Variants in ZCCHC14 observed in about 807,000 individuals in gnomAD.
ZCCHC14 encodes zinc finger CCHC-type containing 14.
Under a neutral mutation model 85.0 loss-of-function variants are expected in ZCCHC14, and 16 were observed. That is an observed-to-expected ratio of 0.19 (90% confidence interval 0.13 to 0.29). ZCCHC14 has a LOEUF of 0.29. ZCCHC14 is among the 10% of genes least tolerant of loss of function. ZCCHC14 has a pLI of 1.00. For missense variants in ZCCHC14, 1,303 were observed against 1,443.5 expected (o/e 0.90, Z 1.58); for synonymous variants, 775 against 630.7 (o/e 1.23, Z -3.43).
chr16:87,433,333 C>T, intron 2 of ZCCHC14, 132 bp from the exon 3 acceptor site: 1 of 797,026 alleles, frequency 1.3e-6, no homozygotes, highest in Admixed American at 2.4e-5. Context: ...ACTTTGGTGG[C>T]ATCTCACCTA....
chr16:87,466,746 C>T (rs145198041), intron 1 of ZCCHC14, among the ~76,000 whole-genome samples: 1 of 152,112 alleles, frequency 6.6e-6, no homozygotes, highest in Non-Finnish European at 1.5e-5. Context: ...AGGTACTGTT[C>T]GTATGACTGT....
intron 1 of ZCCHC14, among the ~76,000 whole-genome samples, chr16:87,461,632 C>T (rs1911262752): frequency 6.6e-6 from 1 of 152,240 alleles, no homozygotes; most frequent in African/African-American, 2.4e-5. Context: ...CAGATCCCAG[C>T]ACTCGCTCTG....
chr16:87,446,618 C>G (rs975261270), intron 2 of ZCCHC14, among the ~76,000 whole-genome samples: 1 of 152,162 alleles, frequency 6.6e-6, no homozygotes, highest in African/African-American at 2.4e-5. Flanking sequence ...ACAACAAACT[C>G]TACCTTTTGA....
chr16:87,471,035 C>T (rs1176428120), intron 1 of ZCCHC14: 1 of 152,080 alleles, frequency 6.6e-6, no homozygotes, highest in Non-Finnish European at 1.5e-5. Flanking sequence ...ACCACACTTT[C>T]CTTCCACACA....
chr16:87,477,153 C>CAAAAAAAAAAAAAAAA (rs1412376609), intron 1 of ZCCHC14, among the ~76,000 whole-genome samples: 12 of 116,200 alleles, frequency 1.0e-4, no homozygotes, highest in African/African-American at 4.5e-4. Context: ...AAAACAAAAC[C>CAAAAAAAAAAAAAAAA]AAAAAAAAAT....
intron 2 of ZCCHC14, among the ~76,000 whole-genome samples, chr16:87,436,315 T>G (rs1194854514): frequency 6.6e-6 from 1 of 152,238 alleles, no homozygotes; most frequent in East Asian, 1.9e-4. Flanking sequence ...GCCTGGGCAG[T>G]GGCGGCCCCC....
At chr16:87,481,627 G>A (rs1240104861) in intron 1 of ZCCHC14, among the ~76,000 whole-genome samples, 2 of 149,198 alleles carry the variant, frequency 1.3e-5, no homozygotes, top group Non-Finnish European at 3.0e-5. Context: ...GACCCTGAGG[G>A]AACACTGAAC....
At position 87,448,967 on chromosome 16, in the gene ZCCHC14, G is replaced by A. The variant is rs142015806; in HGVS notation, c.694+11041C>T. Among the ~76,000 whole-genome samples the A allele has an allele frequency of 6.6e-4, 100 of 152,358 alleles. 1 individual carries two copies. The highest frequency in any genetic ancestry group is 2.7e-3 in the East Asian group (14 of 5,186). On this transcript the variant is annotated intron_variant, in intron 2 of 12. Coordinates refer to ENST00000671377, the MANE Select transcript of ZCCHC14 (RefSeq NM_015144.3). ...CTGCGGACATCAGAAAGAGGCAGAA[G>A]CGACCGTGTGCCGGCCCAAGCTCGG...
In ZCCHC14 at chr16:87,417,547, G is replaced by A. The variant is rs935400011; in HGVS notation, c.1296C>T (p.Thr432=). The part of the protein sequence containing the change: ...LMPSSLQTPQ[T]QEQNGILDWL... The stretch of plus-strand genomic sequence containing the variant: ...AGTCTAGAATCCCATTCTGCTCCTG[G>A]GTCTGAGGGGTCTGCAGACTGGAAG... The change falls in exon 8 of 13, where the codon ACC becomes ACT. Residue 432 remains threonine, a synonymous_variant. Transcript: ENST00000671377. 5.6e-6 allele frequency: 9 copies of A among 1,614,128 alleles called. No individual in the cohort carries two copies. The highest frequency in any genetic ancestry group is 2.7e-5 in the African/African-American group (2 of 74,948).
chr16:87,449,192 A>G (rs1910578831), intron 2 of ZCCHC14, among the ~76,000 whole-genome samples: 2 of 152,214 alleles, frequency 1.3e-5, no homozygotes, highest in South Asian at 4.1e-4. Flanking sequence ...GCTGTTACAC[A>G]GCTGTAGCTG....
chr16:87,410,904 T>C (rs1908399825), intron 12 of ZCCHC14, among the ~76,000 whole-genome samples: 1 of 152,232 alleles, frequency 6.6e-6, no homozygotes, highest in Non-Finnish European at 1.5e-5. Flanking sequence ...TTTGGCAAGG[T>C]GGCACCATGA....
intron 1 of ZCCHC14, among the ~76,000 whole-genome samples, chr16:87,479,909 A>G (rs184687638): frequency 1.3e-3 from 197 of 151,944 alleles, no homozygotes; most frequent in Non-Finnish European, 2.1e-3. Flanking sequence ...TCCCAATGAA[A>G]GCTTTTGTAT....
chr16:87,437,963 T>C (rs1331071203), intron 2 of ZCCHC14, among the ~76,000 whole-genome samples: 1 of 152,248 alleles, frequency 6.6e-6, no homozygotes, highest in East Asian at 1.9e-4. Flanking sequence ...TTCTGATTTT[T>C]TCCTTTTACA....
At chr16:87,467,799 G>C (rs561121079) in intron 1 of ZCCHC14, 4 of 465,646 alleles carry the variant, frequency 8.6e-6, no homozygotes, top group East Asian at 8.6e-5. Flanking sequence ...CTACAGGCGC[G>C]CACCACCACG....
intron 3 of ZCCHC14, among the ~76,000 whole-genome samples, chr16:87,428,062 G>T (rs1231484306): frequency 1.3e-5 from 2 of 151,694 alleles, no homozygotes; most frequent in African/African-American, 4.8e-5. Flanking sequence ...TATCAAAAAG[G>T]TTCCATCATT....
rs140064251 is a variant in ZCCHC14, at chr16:87,433,134, G to A, written c.762C>T (p.Ser254=). 67 of 1,614,094 alleles carry A rather than the reference G, an allele frequency of 4.2e-5. No individual in the cohort carries two copies. Among genetic ancestry groups the A allele is most frequent in the Non-Finnish European group, 4.6e-5 (54 of 1,179,986 alleles). The change falls in exon 3 of 13, where the codon TCC becomes TCT. Residue 254 remains serine (S), a synonymous_variant. Coordinates refer to ENST00000671377, the MANE Select transcript of ZCCHC14 (RefSeq NM_015144.3). ...HTKNDRNVEC[S]FEVLWSDSSI... Reference sequence around the variant, plus strand: ...AAAAAACTTAGCATCTTACCTCAAAGGAACATTCAACATTTCTGTCATTTT... The same window carrying A: ...AAAAAACTTAGCATCTTACCTCAAAAGAACATTCAACATTTCTGTCATTTT...
chr16:87,468,363 T>G (rs559563770), intron 1 of ZCCHC14, among the ~76,000 whole-genome samples: 9 of 152,258 alleles, frequency 5.9e-5, no homozygotes, highest in African/African-American at 2.2e-4. Flanking sequence ...TTACATAAAT[T>G]CAGGAGAGTA....
At chr16:87,440,324 C>A (rs1365354947) in intron 2 of ZCCHC14, among the ~76,000 whole-genome samples, 2 of 152,096 alleles carry the variant, frequency 1.3e-5, no homozygotes, top group Admixed American at 1.3e-4. Flanking sequence ...ACCACCACGC[C>A]TGGCTAATTT....
rs1230983442 is a variant in ZCCHC14 at position 87,423,917 on chromosome 16, GAC to G, written c.769-38_769-37del. 1.9e-6 allele frequency: 3 copies of G among 1,607,462 alleles called. No homozygotes were observed. The East Asian group carries it at 6.7e-5, about 36-fold the overall frequency. On this transcript the variant is annotated intron_variant, in intron 3 of 12. Transcript: ENST00000671377. The stretch of plus-strand genomic sequence containing the variant: ...AACAAACAAACAAACCTTAGAAACA[GAC>G]ACCACATACTTGGTTCCCAGCACGT...
Sources: allele counts gnomAD v4.1 joint callset (sites outside exome capture counted in the v4.1 genomes callset), GRCh38; gene constraint gnomAD v4.1.1; transcripts MANE v1.5; gene names NCBI Gene and HGNC (gene_info 2026-07-23, HGNC 2026-07-21).